Variants in PTPN22 observed in about 807,000 individuals in gnomAD.
PTPN22 encodes the protein tyrosine-protein phosphatase non-receptor type 22.
In PTPN22, 85 loss-of-function variants were observed where a neutral mutation model predicts 103.3. The observed-to-expected ratio is 0.82, with a 90% CI of 0.69 to 0.99. The LOEUF (loss-of-function observed/expected upper bound fraction) is 0.99, where lower values mean the gene tolerates loss of function less well. PTPN22 is among the 50% of genes least tolerant of loss of function. PTPN22 has a pLI of 0.00. For missense variants in PTPN22, 865 were observed against 936.9 expected (o/e 0.92, Z 1.00); for synonymous variants, 323 against 310.2 (o/e 1.04, Z -0.43).
chr1:113,855,669 T>C (rs567567853), intron 7 of PTPN22, among the ~76,000 whole-genome samples: 1 of 152,180 alleles, frequency 6.6e-6, no homozygotes, highest in Non-Finnish European at 1.5e-5. Context: ...TCTCTATAGA[T>C]CTCAGGTGAC....
At chr1:113,834,053 T>C (rs1224194896) in intron 15 of PTPN22, among the ~76,000 whole-genome samples, 1 of 152,252 alleles carries the variant, frequency 6.6e-6, no homozygotes, top group African/African-American at 2.4e-5. Context: ...ATGACATTGA[T>C]CACATTTGCT....
chr1:113,854,959 C>G lies in PTPN22; in HGVS notation c.631G>C (p.Asp211His), dbSNP rs929375308. ...TCATCCTCTTGGTAACAACGTACATCCCAGATGAGCTCAAGAATAGGGTCT... is the reference window on the plus strand; with the variant it reads ...TCATCCTCTTGGTAACAACGTACATGCCAGATGAGCTCAAGAATAGGGTCT... Residue 211 changes from aspartate to histidine, a missense_variant, in exon 8 of 21, where the codon GAT (aspartate) becomes CAT (histidine). Around this residue, in one of 3 missense-constraint regions of PTPN22, gnomAD observed 457 missense variants for 529.1 expected, o/e 0.86. Transcript: ENST00000359785. 1.9e-6 allele frequency: 3 copies of G among 1,610,824 alleles called. No homozygotes were observed. In the African/African-American group the frequency reaches 4.0e-5, roughly 22 times the overall value.
intron 11 of PTPN22, among the ~76,000 whole-genome samples, chr1:113,840,394 G>T (rs550642927): frequency 7.9e-5 from 12 of 152,086 alleles, no homozygotes; most frequent in African/African-American, 2.9e-4. Context: ...CATTAGCAAT[G>T]AACAATCTGA....
At chr1:113,860,961 G>A (rs183671799) in intron 1 of PTPN22, among the ~76,000 whole-genome samples, 1,840 of 152,236 alleles carry the variant, frequency 0.012, 47 homozygotes, top group African/African-American at 0.043. Flanking sequence ...GGTGATGGGT[G>A]TGTGTGTGTA....
At chr1:113,822,914 G>A (rs1171521810) in intron 19 of PTPN22, among the ~76,000 whole-genome samples, 6 of 152,168 alleles carry the variant, frequency 3.9e-5, no homozygotes, top group African/African-American at 7.2e-5. Flanking sequence ...AGCCGAGATC[G>A]CATCATTTCA....
chr1:113,848,293 G>A (rs537084867), intron 11 of PTPN22, among the ~76,000 whole-genome samples: 1 of 151,642 alleles, frequency 6.6e-6, no homozygotes, highest in Non-Finnish European at 1.5e-5. Flanking sequence ...TGATCTGCCT[G>A]CCTCGAGCTC....
chr1:113,825,807 G>A (rs1378418870), intron 18 of PTPN22, among the ~76,000 whole-genome samples: 2 of 151,996 alleles, frequency 1.3e-5, no homozygotes, highest in Admixed American at 6.6e-5. Flanking sequence ...TCTGCCTCCC[G>A]GGTTCAAGCG....
At chr1:113,832,049 G>A (rs1223441523) in intron 16 of PTPN22, among the ~76,000 whole-genome samples, 1 of 72,194 alleles carries the variant, frequency 1.4e-5, no homozygotes, top group African/African-American at 5.5e-5. Context: ...TTATCTAAGG[G>A]ATTCTATTCT....
At position 113,871,547 on chromosome 1, in the gene PTPN22, T is replaced by C. The variant is rs145473954; in HGVS notation, c.77A>G (p.Asn26Ser). 106 of 1,614,000 alleles carry C rather than the reference T, an allele frequency of 6.6e-5. No individual in the cohort carries two copies. The African/African-American group carries it at 1.0e-3, about 15-fold the overall frequency. ...ACATACAGGACTCACCAGAAATTCA[T>C]TGGCAAACTCCTCTTTAGTAATTTT... The change falls in exon 1 of 21, where the codon AAT becomes AGT. Residue 26 changes from asparagine (N) to serine (S), a missense_variant. Physicochemically the swap from Asn to Ser is conservative, Grantham distance 46 (BLOSUM62 1). Coordinates refer to ENST00000359785, the Ensembl canonical transcript of PTPN22.
In PTPN22 at chr1:113,849,594, A is replaced by ATT. The variant is rs574631537; in HGVS notation, c.829-970_829-969dup. Among the ~76,000 whole-genome samples the ATT allele has an allele frequency of 1.8e-4, 22 of 125,648 alleles. No individual in the cohort carries two copies. The East Asian group carries it at 4.5e-3, about 26-fold the overall frequency. The allele number at this position is 125,648 out of a possible 152,430, so 82.4% of individuals were successfully genotyped here. On this transcript the variant is annotated intron_variant, in intron 10 of 20. Coordinates refer to ENST00000359785, the Ensembl canonical transcript of PTPN22. ...ATGCTCTTTATTTATTTATTTATTT[A>ATT]TTTTTTTTTTTGAGACACGGTCTCA...
At chr1:113,852,047 G>T (rs772970587) in exon 10 of PTPN22, 3 of 1,610,084 alleles carry the variant, frequency 1.9e-6, no homozygotes, top group Non-Finnish European at 2.5e-6. Flanking sequence ...ACTAATGAAG[G>T]CCTCTGTGTC....
At chr1:113,820,643 A>G (rs1483395010) in intron 19 of PTPN22, among the ~76,000 whole-genome samples, 1 of 152,190 alleles carries the variant, frequency 6.6e-6, no homozygotes, top group Admixed American at 6.5e-5. Flanking sequence ...ACAGTCCCTT[A>G]AAAACTTTGT....
At chr1:113,854,803 C>T (rs868493234) in intron 8 of PTPN22, 104 bp downstream of exon 8, 11 of 1,357,464 alleles carry the variant, frequency 8.1e-6, no homozygotes, top group South Asian at 4.2e-5. Context: ...AATTTATTAT[C>T]GTTTGTTTTT....
chr1:113,844,528 CTTTA>C (rs1235684793), intron 11 of PTPN22, among the ~76,000 whole-genome samples: 1 of 152,170 alleles, frequency 6.6e-6, no homozygotes, highest in African/African-American at 2.4e-5. Context: ...GATTTCTGCT[CTTTA>C]TTTCTTTTTC....
Position 113,858,477 on chromosome 1 carries a change from C to G in PTPN22, c.369+1G>C. On this transcript the variant is annotated splice_donor_variant, in intron 4 of 20. Coordinates refer to ENST00000359785, the Ensembl canonical transcript of PTPN22. LOFTEE classifies it high-confidence loss of function. Reference sequence around the variant, plus strand: ...AGTAACAAAAGCAACACCATACTTACAAGGACACTATATTCCCAAATCATC... The same window carrying G: ...AGTAACAAAAGCAACACCATACTTAGAAGGACACTATATTCCCAAATCATC... 4 of 1,568,298 alleles carry G rather than the reference C, an allele frequency of 2.6e-6. No homozygotes were observed. The highest frequency in any genetic ancestry group is 2.6e-6 in the Non-Finnish European group (3 of 1,144,192).
At chr1:113,865,089 T>C (rs1347363493) in intron 1 of PTPN22, among the ~76,000 whole-genome samples, 1 of 152,160 alleles carries the variant, frequency 6.6e-6, no homozygotes, top group Admixed American at 6.5e-5. Flanking sequence ...TTGATAGCCA[T>C]TTTAAAAGGT....
chr1:113,835,833 TCA>T (rs752405298), intron 13 of PTPN22, among the ~76,000 whole-genome samples: 1 of 152,262 alleles, frequency 6.6e-6, no homozygotes, highest in Non-Finnish European at 1.5e-5. Flanking sequence ...ATACAAACAT[TCA>T]GTTTTTATTA....
chr1:113,814,820 G>C (rs1370033874), exon 21 of PTPN22: 2 of 1,026,106 alleles, frequency 1.9e-6, no homozygotes, highest in Non-Finnish European at 3.1e-6. Context: ...TATGCATATA[G>C]AGCACTTATT....
exon 12 of PTPN22, chr1:113,838,557 TAGG>T (rs1663231796): frequency 6.2e-7 from 1 of 1,612,806 alleles, no homozygotes; most frequent in South Asian, 1.1e-5. Context: ...TTTGGTAAAT[TAGG>T]AGAATAAGAG....
Sources: allele counts gnomAD v4.1 joint callset (sites outside exome capture counted in the v4.1 genomes callset), GRCh38; gene constraint gnomAD v4.1.1; regional missense constraint gnomAD v4.1.1; transcripts MANE v1.5; gene names NCBI Gene and HGNC (gene_info 2026-07-23, HGNC 2026-07-21).